The following PTCH1 variants were observed in gnomAD, a reference collection of about 807,000 sequenced individuals.
PTCH1 encodes patched 1.
In PTCH1, 14 loss-of-function variants were observed where a neutral mutation model predicts 144.6. That is an observed-to-expected ratio of 0.10 (90% confidence interval 0.06 to 0.15). PTCH1 has a LOEUF of 0.15. Among genes scored for constraint, PTCH1 ranks in the 10% least tolerant of loss-of-function variants. The probability of loss-of-function intolerance (pLI) is 1.00; values close to 1 mark genes in which losing one functional copy is unlikely to be tolerated. For synonymous variants in PTCH1, 833 were observed against 793.6 expected, an observed-to-expected ratio of 1.05 and a Z score of -0.83; for missense variants, 1,623 against 1,948.3, an observed-to-expected ratio of 0.83 and a Z score of 3.14.
At position 95,443,933 on chromosome 9, in the gene PTCH1, T is replaced by C. The variant is rs767874406; in HGVS notation, c.*2460A>G. ...TGTAAATGTTATATACTCTGAACTA[T>C]TTAACATTAGTAAGCACTCTATACA... On this transcript the variant is annotated 3_prime_UTR_variant, in exon 24 of 24. Transcript: ENST00000331920. 1.3e-5 allele frequency: 2 copies of C among 152,626 alleles called. No homozygotes were observed. Among genetic ancestry groups the C allele is most frequent in the Non-Finnish European group, 2.9e-5 (2 of 68,026 alleles). The allele number at this position is 152,626 out of a possible 1,614,324, so 9.5% of individuals were successfully genotyped here.
upstream of PTCH1, chr9:95,514,029 G>A (rs927346544): frequency 1.3e-5 from 2 of 152,210 alleles, no homozygotes; most frequent in African/African-American, 4.8e-5. Context: ...GGAGTGTCCT[G>A]AGAAGGTCCC....
In PTCH1 at chr9:95,444,104, G is replaced by T. The variant is rs1172866990; in HGVS notation, c.*2289C>A. On this transcript the variant is annotated 3_prime_UTR_variant, in exon 24 of 24. Coordinates refer to ENST00000331920, the MANE Select transcript of PTCH1 (RefSeq NM_000264.5). The stretch of plus-strand genomic sequence containing the variant: ...ATACAAAATTATAAATATCAGCAAA[G>T]TTTTTTTTTTTTTAAAAATTAAAAC... 2 of 145,712 alleles carry T rather than the reference G, an allele frequency of 1.4e-5. No homozygotes were observed. The highest frequency in any genetic ancestry group is 3.0e-5 in the Non-Finnish European group (2 of 65,880). The allele number at this position is 145,712 out of a possible 1,614,324, so 9.0% of individuals were successfully genotyped here.
At chr9:95,485,642 C>T (rs1262178517) in intron 3 of PTCH1, 43 bp downstream of exon 3, 1 of 1,612,038 alleles carries the variant, frequency 6.2e-7, no homozygotes, top group East Asian at 2.2e-5. Flanking sequence ...TCTCCCACCG[C>T]CTTACCTGCT....
At chr9:95,507,335 G>T (rs1441912307) in intron 1 of PTCH1, 1 of 985,530 alleles carries the variant, frequency 1.0e-6, no homozygotes, top group East Asian at 1.1e-4. Context: ...AAGGGCTCAG[G>T]CCGGCGCAGG....
chr9:95,478,540 A>G (rs1841271709), intron 8 of PTCH1, among the ~76,000 whole-genome samples: 1 of 151,958 alleles, frequency 6.6e-6, no homozygotes, highest in Non-Finnish European at 1.5e-5. Flanking sequence ...ATCCAAAACA[A>G]CTCATTCTTA....
chr9:95,507,897 C>CGT, intron 1 of PTCH1: 1 of 1,282,272 alleles, frequency 7.8e-7, no homozygotes, highest in Non-Finnish European at 1.0e-6. Context: ...CCAGGGAGGG[C>CGT]GTGTGTATAC....
chr9:95,507,201 G>A (rs1843747801), intron 1 of PTCH1: 1 of 985,630 alleles, frequency 1.0e-6, no homozygotes. Flanking sequence ...AGCTGAATTA[G>A]GAAGTGGGGC....
chr9:95,492,308 A>G (rs1327352654), intron 2 of PTCH1, among the ~76,000 whole-genome samples: 1 of 152,060 alleles, frequency 6.6e-6, no homozygotes, highest in Admixed American at 6.5e-5. Flanking sequence ...CATTAATGGA[A>G]TGTCGTGGTT....
chr9:95,462,327 G>A (rs1170087808), intron 15 of PTCH1, among the ~76,000 whole-genome samples: 3 of 152,182 alleles, frequency 2.0e-5, no homozygotes, highest in Middle Eastern at 3.2e-3. Flanking sequence ...GGAAAGACAC[G>A]CACCAGGGTC....
intron 19 of PTCH1, 51 bp from the exon 20 acceptor site, chr9:95,453,671 A>G: frequency 6.2e-7 from 1 of 1,608,138 alleles, no homozygotes; most frequent in Non-Finnish European, 8.5e-7. Flanking sequence ...TCACCTGGTA[A>G]ATGCTCAGCT....
chr9:95,494,407 T>C, intron 2 of PTCH1: 1 of 985,496 alleles, frequency 1.0e-6, no homozygotes, highest in South Asian at 4.7e-5. Context: ...TCTTCATTGG[T>C]TACTTGCCAC....
chr9:95,453,297 A>G (rs895045562), intron 20 of PTCH1, 181 bp downstream of exon 20: 3 of 828,628 alleles, frequency 3.6e-6, no homozygotes, highest in African/African-American at 3.4e-5. Context: ...ACGCCCGGCT[A>G]ATTTTTGTAT....
intron 9 of PTCH1, 150 bp from the exon 10 acceptor site, chr9:95,477,852 G>T: frequency 6.9e-7 from 1 of 1,446,804 alleles, no homozygotes; most frequent in Non-Finnish European, 9.5e-7. Flanking sequence ...CACATAAAAT[G>T]ACAGGAGTCA....
At chr9:95,485,076 G>A (rs1220697299) in intron 3 of PTCH1, among the ~76,000 whole-genome samples, 2 of 151,962 alleles carry the variant, frequency 1.3e-5, no homozygotes, top group Non-Finnish European at 2.9e-5. Context: ...TGTGGTGGTG[G>A]GCGCCTCTAG....
chr9:95,461,774 G>A (rs1018561992), intron 16 of PTCH1, 82 bp downstream of exon 16: 1 of 1,575,294 alleles, frequency 6.3e-7, no homozygotes. Context: ...ACAGGGTGGG[G>A]TCACACGCTG....
chr9:95,478,893 GCA>G (rs1228985752), intron 8 of PTCH1, 105 bp downstream of exon 8: 2 of 1,528,678 alleles, frequency 1.3e-6, no homozygotes, highest in African/African-American at 1.4e-5. Flanking sequence ...TCCCAGAATT[GCA>G]ATGTTTTGAA....
rs1359768108 is a variant in PTCH1, at chr9:95,449,545, T to G, written c.3550-222A>C. On this transcript the variant is annotated intron_variant, in intron 21 of 23. Transcript: ENST00000331920. This position sits in a 1 kb window ranked among gnomAD's most constrained non-coding sequence, Gnocchi z 5.3. Reference sequence around the variant, plus strand: ...TGCTCCACACTGGAAAGGCAGGATGTGTACTTTTTACTCTTGTGAAGTCCA... The same window carrying G: ...TGCTCCACACTGGAAAGGCAGGATGGGTACTTTTTACTCTTGTGAAGTCCA... 3 of 668,458 alleles carry G rather than the reference T, an allele frequency of 4.5e-6. No individual in the cohort carries two copies. Among genetic ancestry groups the G allele is most frequent in the Non-Finnish European group, 7.6e-6 (3 of 394,330 alleles). The allele number at this position is 668,458 out of a possible 1,614,324, so 41.4% of individuals were successfully genotyped here.
intron 22 of PTCH1, among the ~76,000 whole-genome samples, chr9:95,447,965 C>A (rs1838114268): frequency 6.6e-6 from 1 of 152,262 alleles, no homozygotes; most frequent in African/African-American, 2.4e-5. Context: ...GGCCACATTT[C>A]AAGTGCTCCA....
chr9:95,461,645 G>A (rs1839474157), intron 16 of PTCH1, among the ~76,000 whole-genome samples: 1 of 152,242 alleles, frequency 6.6e-6, no homozygotes, highest in African/African-American at 2.4e-5. Flanking sequence ...TTTGACAGAT[G>A]AGGAAAGTGA....
Sources: allele counts gnomAD v4.1 joint callset (sites outside exome capture counted in the v4.1 genomes callset), GRCh38; gene constraint gnomAD v4.1.1; non-coding constraint Gnocchi (gnomAD v3.1); transcripts MANE v1.5; gene names NCBI Gene and HGNC (gene_info 2026-07-23, HGNC 2026-07-21).